SH3BP5L: variants seen among roughly 807,000 people sequenced by gnomAD.
SH3BP5L encodes SH3 domain-binding protein 5-like.
A neutral mutation model predicts 40.9 loss-of-function variants in SH3BP5L; 16 were observed. The ratio of observed to expected loss-of-function variants is 0.39; its 90% confidence interval spans 0.27 to 0.59. The LOEUF (loss-of-function observed/expected upper bound fraction) is 0.59, where lower values mean the gene tolerates loss of function less well. SH3BP5L is among the 20% of genes least tolerant of loss of function. SH3BP5L has a pLI of 0.53. For synonymous variants in SH3BP5L, 229 were observed against 226.7 expected (o/e 1.01, Z -0.09); for missense variants, 471 against 544.6 (o/e 0.86, Z 1.35).
chr1:248,814,660 C>T, intron 4 of SH3BP5L, 50 bp from the exon 5 acceptor site: 2 of 1,582,116 alleles, frequency 1.3e-6, no homozygotes, highest in Admixed American at 3.3e-5. Context: ...ACCCCAGCTG[C>T]CCATGGAGAC....
chr1:248,818,720 A>G (rs1014037821), intron 2 of SH3BP5L, among the ~76,000 whole-genome samples: 2 of 152,242 alleles, frequency 1.3e-5, no homozygotes, highest in Admixed American at 6.5e-5. Context: ...GCCTCAAGTC[A>G]TCCTCCCTTG....
chr1:248,814,700 G>T, intron 4 of SH3BP5L, 90 bp from the exon 5 acceptor site: 1 of 1,351,948 alleles, frequency 7.4e-7, no homozygotes, highest in East Asian at 2.3e-5. Flanking sequence ...AAGAGAAGGA[G>T]GAAGGCCTAC....
chr1:248,817,056 C>T (rs1334699925), intron 2 of SH3BP5L, 172 bp from the exon 3 acceptor site: 1 of 1,534,876 alleles, frequency 6.5e-7, no homozygotes, highest in South Asian at 1.2e-5. Flanking sequence ...TCTTGTCTAT[C>T]AGGGACCTGA....
At chr1:248,816,459 C>T in intron 4 of SH3BP5L, 75 bp downstream of exon 4, 1 of 1,587,954 alleles carries the variant, frequency 6.3e-7, no homozygotes, top group Non-Finnish European at 8.6e-7. Flanking sequence ...TTGTCTCTCA[C>T]TCCATATAGA....
chr1:248,818,049 GA>G (rs1374385004), intron 2 of SH3BP5L, among the ~76,000 whole-genome samples: 1 of 151,422 alleles, frequency 6.6e-6, no homozygotes, highest in African/African-American at 2.4e-5. Context: ...GAGCCAGGGA[GA>G]CAAAAGTGGA....
At chr1:248,814,875 C>G in intron 4 of SH3BP5L, 1 of 583,934 alleles carries the variant, frequency 1.7e-6, no homozygotes, top group Non-Finnish European at 3.2e-6. Flanking sequence ...CTAGCCTTTT[C>G]CCCTAGGGAA....
chr1:248,813,627 G>A lies in SH3BP5L; in HGVS notation c.538-465C>T, dbSNP rs149722436. 271 of 156,328 alleles carry A rather than the reference G, an allele frequency of 1.7e-3. 1 individual carries two copies. Among genetic ancestry groups the A allele is most frequent in the African/African-American group, 5.7e-3 (240 of 41,784 alleles). The allele number at this position is 156,328 out of a possible 1,614,324, so 9.7% of individuals were successfully genotyped here. The stretch of plus-strand genomic sequence containing the variant: ...TGGGAGTGAGAAGAGCCTGTGTGGG[G>A]AGCCACAGCTGTGCGCTGGGTTCTC... On this transcript the variant is annotated intron_variant, in intron 5 of 6. Coordinates refer to ENST00000366472, the MANE Select transcript of SH3BP5L (RefSeq NM_030645.3).
At position 248,814,615 on chromosome 1, in the gene SH3BP5L, G is replaced by A. The variant is rs141021891; in HGVS notation, c.376-5C>T. ...CTTCTGTGTCTCCTGCTGAGCCTGG[G>A]GGGAGAGGGATATCAGGATGGGGAA... On this transcript the variant is annotated splice_region_variant and splice_polypyrimidine_tract_variant and intron_variant, in intron 4 of 6. Coordinates refer to ENST00000366472, the MANE Select transcript of SH3BP5L (RefSeq NM_030645.3). 6.0e-5 allele frequency: 97 copies of A among 1,614,070 alleles called. No homozygotes were observed. Among genetic ancestry groups the A allele is most frequent in the Non-Finnish European group, 8.1e-5 (96 of 1,180,046 alleles).
At chr1:248,814,671 C>T (rs1481064246) in intron 4 of SH3BP5L, 61 bp from the exon 5 acceptor site, 2 of 1,559,826 alleles carry the variant, frequency 1.3e-6, no homozygotes, top group African/African-American at 2.7e-5. Context: ...CCATGGAGAC[C>T]CATAATAGAC....
intron 2 of SH3BP5L, among the ~76,000 whole-genome samples, chr1:248,818,642 C>T (rs1664172838): frequency 6.6e-6 from 1 of 152,150 alleles, no homozygotes; most frequent in Non-Finnish European, 1.5e-5. Context: ...CCTGGAAGGA[C>T]TGGAGAGAGA....
chr1:248,817,215 T>C (rs560407025), intron 2 of SH3BP5L: 12 of 486,260 alleles, frequency 2.5e-5, no homozygotes, highest in Non-Finnish European at 4.4e-5. Flanking sequence ...CTCCGTGAGA[T>C]TGCAACACTT....
At position 248,825,457 on chromosome 1, in the gene SH3BP5L, A is replaced by G. The variant is rs1664356117; in HGVS notation, c.-431-91T>C. 11 of 894,476 alleles carry G rather than the reference A, an allele frequency of 1.2e-5. No individual in the cohort carries two copies. In the South Asian group the frequency reaches 4.0e-4, roughly 33 times the overall value. 55.4% of individuals were successfully genotyped at this position (894,476 alleles called of 1,614,324 possible). On this transcript the variant is annotated intron_variant, in intron 1 of 6. Transcript: ENST00000366472. The stretch of plus-strand genomic sequence containing the variant: ...CCAACTCTACAGCCTCCCAAAAACT[A>G]CACTCTCACCACGCCCCCACCCATG...
chr1:248,811,673 C>A lies in SH3BP5L; in HGVS notation c.*227G>T, dbSNP rs891972466. 2 of 458,060 alleles carry A rather than the reference C, an allele frequency of 4.4e-6. No homozygotes were observed. The highest frequency in any genetic ancestry group is 4.1e-5 in the African/African-American group (2 of 49,064). The allele number at this position is 458,060 out of a possible 1,614,324, so 28.4% of individuals were successfully genotyped here. On this transcript the variant is annotated 3_prime_UTR_variant, in exon 7 of 7. Coordinates refer to ENST00000366472, the MANE Select transcript of SH3BP5L (RefSeq NM_030645.3). ...AGGCAGACAGAGCGCCGAGGGCGAG[C>A]CTTCTGAATGGGTAAGGCAAAGAGA...
chr1:248,820,503 A>G (rs1664230937), intron 2 of SH3BP5L: 1 of 152,258 alleles, frequency 6.6e-6, no homozygotes, highest in Non-Finnish European at 1.5e-5. Context: ...TCCTGCTGGA[A>G]TATTCTTTCT....
At position 248,811,581 on chromosome 1, in the gene SH3BP5L, A is replaced by ATTT. The variant is rs1200251314; in HGVS notation, c.*318_*319insAAA. The ATTT allele has an allele frequency of 1.4e-5, 5 of 352,862 alleles. No individual in the cohort carries two copies. The highest frequency in any genetic ancestry group is 1.1e-4 in the African/African-American group (5 of 47,358). The allele number at this position is 352,862 out of a possible 1,614,324, so 21.9% of individuals were successfully genotyped here. A position where few individuals can be genotyped will look rare whatever the true frequency, so the allele number is the denominator to read the frequency against. ...TGAGGGAAAAAGCCAAACAGATGGAAAGAGAGGGAGCAGAAAGGGAAAGCA... is the reference window on the plus strand; with the variant it reads ...TGAGGGAAAAAGCCAAACAGATGGAATTTAGAGAGGGAGCAGAAAGGGAAAGCA... On this transcript the variant is annotated 3_prime_UTR_variant, in exon 7 of 7. Transcript: ENST00000366472.
At position 248,825,320 on chromosome 1, in the gene SH3BP5L, G is replaced by C; in HGVS notation, c.-385C>G. The C allele has an allele frequency of 9.9e-7, 1 of 1,013,112 alleles. No homozygotes were observed. The highest frequency in any genetic ancestry group is 1.2e-6 in the Non-Finnish European group (1 of 847,402). 62.8% of individuals were successfully genotyped at this position (1,013,112 alleles called of 1,614,324 possible). A position where few individuals can be genotyped will look rare whatever the true frequency, so the allele number is the denominator to read the frequency against. ...CAGGCTGTGGTGGCAGCTGGAGAGA[G>C]AAGGCTGGGCCCGAGCTGAGGCTGT... On this transcript the variant is annotated 5_prime_UTR_variant, in exon 2 of 7. Coordinates refer to ENST00000366472, the MANE Select transcript of SH3BP5L (RefSeq NM_030645.3).
intron 2 of SH3BP5L, among the ~76,000 whole-genome samples, chr1:248,818,789 C>A (rs1170382775): frequency 6.6e-6 from 1 of 152,226 alleles, no homozygotes; most frequent in Non-Finnish European, 1.5e-5. Context: ...TACTGAGGAG[C>A]AGTGCTGGTC....
intron 2 of SH3BP5L, among the ~76,000 whole-genome samples, chr1:248,822,637 C>A (rs1173042803): frequency 2.0e-5 from 3 of 151,974 alleles, no homozygotes; most frequent in Non-Finnish European, 4.4e-5. Context: ...TCTATTTATG[C>A]ACTGTCAGTA....
At chr1:248,823,788 G>A (rs1282701483) in intron 2 of SH3BP5L, among the ~76,000 whole-genome samples, 3 of 152,232 alleles carry the variant, frequency 2.0e-5, no homozygotes, top group African/African-American at 7.2e-5. Flanking sequence ...GCCTTCATAT[G>A]TTCTTGCTCA....
Sources: gnomAD v4.1 joint callset for allele counts (sites outside exome capture counted in the v4.1 genomes callset) on GRCh38, gnomAD v4.1.1 for gene constraint, MANE v1.5 for transcripts, NCBI Gene and HGNC (gene_info 2026-07-23, HGNC 2026-07-21) for gene names.